The following PDE4B variants were observed in gnomAD, a reference collection of about 807,000 sequenced individuals.
The protein encoded by PDE4B is 3',5'-cyclic-AMP phosphodiesterase 4B.
In PDE4B, 20 loss-of-function variants were observed where a neutral mutation model predicts 82.2. That is an observed-to-expected ratio of 0.24 (90% CI 0.17 to 0.35). The LOEUF (loss-of-function observed/expected upper bound fraction) is 0.35. Among genes scored for constraint, PDE4B ranks in the 10% least tolerant of loss-of-function variants. The probability of loss-of-function intolerance (pLI) is 1.00; values close to 1 mark genes in which losing one functional copy is unlikely to be tolerated. For synonymous variants in PDE4B, 320 were observed against 318.9 expected, an observed-to-expected ratio of 1.00 and a Z score of -0.04; for missense variants, 655 against 907.2, an observed-to-expected ratio of 0.72 and a Z score of 3.57.
intron 1 of PDE4B, among the ~76,000 whole-genome samples, chr1:65,877,768 A>C (rs188508199): frequency 6.6e-6 from 1 of 152,152 alleles, no homozygotes; most frequent in Admixed American, 6.5e-5. Flanking sequence ...ATAAAACCTA[A>C]AACCATAAAA....
At chr1:65,960,568 C>T (rs12760902) in intron 3 of PDE4B, among the ~76,000 whole-genome samples, 36,603 of 151,982 alleles carry the variant, frequency 0.24, 5,229 homozygotes, top group East Asian at 0.45. Context: ...CCCTGAGCCT[C>T]AGATTCATCA....
intron 3 of PDE4B, among the ~76,000 whole-genome samples, chr1:66,168,949 G>A (rs1363759674): frequency 1.3e-5 from 2 of 152,138 alleles, no homozygotes; most frequent in African/African-American, 2.4e-5. Context: ...CTGAAATAAG[G>A]AAATAAGGCA....
chr1:66,259,247 G>T (rs192266185), intron 6 of PDE4B, among the ~76,000 whole-genome samples: 2 of 152,022 alleles, frequency 1.3e-5, no homozygotes, highest in East Asian at 3.9e-4. Flanking sequence ...TAACTACTGG[G>T]CACCCCCATC....
intron 3 of PDE4B, among the ~76,000 whole-genome samples, chr1:65,983,983 T>A (rs1650823579): frequency 6.6e-6 from 1 of 152,182 alleles, no homozygotes; most frequent in Non-Finnish European, 1.5e-5. Flanking sequence ...ATTTGGGTAT[T>A]TTCCATAGAG....
intron 3 of PDE4B, among the ~76,000 whole-genome samples, chr1:66,047,081 A>AT: frequency 6.6e-6 from 1 of 151,944 alleles, no homozygotes; most frequent in East Asian, 1.9e-4. Context: ...TTTCCTTGAT[A>AT]TTTTTTAAGA....
intron 3 of PDE4B, among the ~76,000 whole-genome samples, chr1:66,246,476 T>G (rs1482665756): frequency 6.6e-6 from 1 of 152,182 alleles, no homozygotes; most frequent in Non-Finnish European, 1.5e-5. Flanking sequence ...CTGCAAAGCT[T>G]TAGCTGGGGA....
At chr1:66,076,010 TTTTC>T (rs1398359712) in intron 3 of PDE4B, among the ~76,000 whole-genome samples, 1 of 152,036 alleles carries the variant, frequency 6.6e-6, no homozygotes, top group South Asian at 2.1e-4. Flanking sequence ...ACTGCTTTCT[TTTTC>T]TTTCTTTCTT....
intron 4 of PDE4B, among the ~76,000 whole-genome samples, chr1:66,249,239 A>G (rs1254304880): frequency 2.0e-5 from 3 of 152,242 alleles, no homozygotes; most frequent in African/African-American, 7.2e-5. Flanking sequence ...TCCTTCACCA[A>G]GATAAACACC....
chr1:66,112,334 GA>G (rs1274653189), intron 3 of PDE4B, among the ~76,000 whole-genome samples: 1 of 152,042 alleles, frequency 6.6e-6, no homozygotes, highest in Non-Finnish European at 1.5e-5. Flanking sequence ...TATATTTGGA[GA>G]AATTATTGAT....
intron 1 of PDE4B, among the ~76,000 whole-genome samples, chr1:65,873,628 ATGTT>A (rs971128471): frequency 2.6e-5 from 4 of 152,214 alleles, no homozygotes; most frequent in Non-Finnish European, 5.9e-5. Flanking sequence ...ACATTTAAAA[ATGTT>A]TGGGAAATTA....
At position 66,247,546 on chromosome 1, in the gene PDE4B, C is replaced by A; in HGVS notation, c.368C>A (p.Thr123Asn). 1 of 1,612,994 alleles carries A rather than the reference C, an allele frequency of 6.2e-7. No individual in the cohort carries two copies. The highest frequency in any genetic ancestry group is 8.5e-7 in the Non-Finnish European group (1 of 1,179,420). ...TCCGCTGGGCTGGTACTTCACGCCA[C>A]CTTTCCTGGGCACAGCCAGCGCAGA... ...SSSAGLVLHA[T>N]FPGHSQRRES... The change falls in exon 4 of 17, where the codon ACC becomes AAC. Residue 123 changes from threonine to asparagine, a missense_variant. Coordinates refer to ENST00000341517, the MANE Select transcript of PDE4B (RefSeq NM_002600.4).
chr1:66,085,008 CAGTT>C (rs1158516099), intron 3 of PDE4B, among the ~76,000 whole-genome samples: 1 of 152,108 alleles, frequency 6.6e-6, no homozygotes, highest in African/African-American at 2.4e-5. Context: ...CTGGTTCACT[CAGTT>C]AGGATGCACC....
chr1:66,340,293 A>T (rs1660877612), intron 8 of PDE4B, among the ~76,000 whole-genome samples: 1 of 152,346 alleles, frequency 6.6e-6, no homozygotes, highest in Admixed American at 6.5e-5. Flanking sequence ...GTGCTTCCAC[A>T]AAGAAAGGAC....
chr1:66,184,355 G>C (rs1047392241), intron 3 of PDE4B, among the ~76,000 whole-genome samples: 1 of 152,142 alleles, frequency 6.6e-6, no homozygotes. Context: ...TATTTATTGA[G>C]CATCTATTAT....
intron 8 of PDE4B, among the ~76,000 whole-genome samples, chr1:66,348,547 T>C (rs540879701): frequency 8.5e-5 from 13 of 152,150 alleles, no homozygotes; most frequent in African/African-American, 3.1e-4. Flanking sequence ...TTTGAAAAGT[T>C]TAAATTATCT....
chr1:66,080,798 C>T (rs1286713344), intron 3 of PDE4B, among the ~76,000 whole-genome samples: 1 of 152,090 alleles, frequency 6.6e-6, no homozygotes, highest in Non-Finnish European at 1.5e-5. Flanking sequence ...GCAGGATTGT[C>T]ACAGAGGTAT....
intron 3 of PDE4B, among the ~76,000 whole-genome samples, chr1:66,020,276 G>A (rs980600964): frequency 6.6e-6 from 1 of 152,058 alleles, no homozygotes; most frequent in African/African-American, 2.4e-5. Flanking sequence ...AGGAAGGTAG[G>A]ATTCCTGGTA....
At chr1:66,039,324 T>G (rs535500031) in intron 3 of PDE4B, among the ~76,000 whole-genome samples, 139 of 152,206 alleles carry the variant, frequency 9.1e-4, no homozygotes, top group African/African-American at 3.0e-3. Context: ...ACTTCATAAT[T>G]TGGAAAATGC....
At chr1:66,135,358 G>C (rs1261724317) in intron 3 of PDE4B, among the ~76,000 whole-genome samples, 2 of 152,190 alleles carry the variant, frequency 1.3e-5, no homozygotes, top group Non-Finnish European at 2.9e-5. Context: ...GATTCGCAGT[G>C]TCAGCAGTTA....
Sources: allele counts gnomAD v4.1 joint callset (sites outside exome capture counted in the v4.1 genomes callset), GRCh38; gene constraint gnomAD v4.1.1; transcripts MANE v1.5; gene names NCBI Gene and HGNC (gene_info 2026-07-23, HGNC 2026-07-21).